The following RCAN2 variants were observed in gnomAD, a reference collection of about 807,000 sequenced individuals.
RCAN2 encodes calcipressin-2.
A neutral mutation model predicts 23.6 loss-of-function variants in RCAN2; 9 were observed. That is an observed-to-expected ratio of 0.38 (90% CI 0.23 to 0.67). The LOEUF (loss-of-function observed/expected upper bound fraction) is 0.67, where lower values mean the gene tolerates loss of function less well. Among genes scored for constraint, RCAN2 ranks in the 30% least tolerant of loss-of-function variants. The pLI, the probability that RCAN2 is intolerant of heterozygous loss-of-function variation, is 0.51. For missense variants in RCAN2, 273 were observed against 302.3 expected, an observed-to-expected ratio of 0.90 and a Z score of 0.72; for synonymous variants, 109 against 115.7, an observed-to-expected ratio of 0.94 and a Z score of 0.37.
intron 2 of RCAN2, among the ~76,000 whole-genome samples, chr6:46,377,737 G>T (rs1765515875): frequency 6.6e-6 from 1 of 152,138 alleles, no homozygotes; most frequent in African/African-American, 2.4e-5. Flanking sequence ...AAAGATGGAG[G>T]CTAAATTTTG....
chr6:46,346,421 G>A (rs1382493165), intron 2 of RCAN2, among the ~76,000 whole-genome samples: 1 of 151,924 alleles, frequency 6.6e-6, no homozygotes, highest in African/African-American at 2.4e-5. Flanking sequence ...ATCTTTTACT[G>A]GTAATATTAT....
At chr6:46,403,433 A>T (rs1408291746) in intron 2 of RCAN2, among the ~76,000 whole-genome samples, 1 of 152,050 alleles carries the variant, frequency 6.6e-6, no homozygotes, top group Non-Finnish European at 1.5e-5. Context: ...TTAGCTGGGC[A>T]TGGTGGCACA....
chr6:46,387,958 A>G (rs2150396818), intron 2 of RCAN2, among the ~76,000 whole-genome samples: 1 of 152,322 alleles, frequency 6.6e-6, no homozygotes, highest in South Asian at 2.1e-4. Flanking sequence ...TTGTAGGGAC[A>G]TGGATGAAGC....
chr6:46,279,649 G>A lies in RCAN2; in HGVS notation c.226-30753C>T, dbSNP rs542312935. ...CCCATCTCCATTTGTCAGTTGAATC[G>A]GGGGAAGTATGGTATATATGTGGCT... On this transcript the variant is annotated intron_variant, in intron 2 of 4. Transcript: ENST00000371374. Among the ~76,000 whole-genome samples the A allele has an allele frequency of 9.2e-5, 14 of 152,266 alleles. No individual in the cohort carries two copies. The South Asian group carries it at 1.2e-3, about 14-fold the overall frequency.
chr6:46,408,115 C>T (rs977106037), intron 2 of RCAN2, among the ~76,000 whole-genome samples: 6 of 152,138 alleles, frequency 3.9e-5, no homozygotes, highest in Non-Finnish European at 5.9e-5. Context: ...TCTGGAATCA[C>T]GAATATTTTA....
At chr6:46,385,500 G>C (rs1765717651) in intron 2 of RCAN2, among the ~76,000 whole-genome samples, 1 of 152,140 alleles carries the variant, frequency 6.6e-6, no homozygotes, top group Non-Finnish European at 1.5e-5. Context: ...GCCATAAGCA[G>C]AAAACCGAAA....
rs878992735 is a variant in RCAN2 at position 46,449,648 on chromosome 6, G to A, written c.225+7104C>T. On this transcript the variant is annotated intron_variant, in intron 2 of 4. Transcript: ENST00000371374. Reference sequence around the variant, plus strand: ...GCATGTGGACCAATGGAACAGAATAGAAAGCCCAGAAATAAATCCATGGAT... The same window carrying A: ...GCATGTGGACCAATGGAACAGAATAAAAAGCCCAGAAATAAATCCATGGAT... Among the ~76,000 whole-genome samples, 3 of 151,718 alleles carry A rather than the reference G, an allele frequency of 2.0e-5. No individual in the cohort carries two copies. In the South Asian group the frequency reaches 6.2e-4, roughly 31 times the overall value.
At chr6:46,475,587 C>G (rs1366901456) in intron 1 of RCAN2, among the ~76,000 whole-genome samples, 1 of 152,094 alleles carries the variant, frequency 6.6e-6, no homozygotes, top group East Asian at 1.9e-4. Flanking sequence ...GCTATTTCAA[C>G]TTGAAATTAT....
chr6:46,424,588 C>A (rs1766983699), intron 2 of RCAN2, among the ~76,000 whole-genome samples: 1 of 152,088 alleles, frequency 6.6e-6, no homozygotes, highest in African/African-American at 2.4e-5. Context: ...GTTGACCCCT[C>A]TATACCGAAC....
In RCAN2 at chr6:46,269,523, G is replaced by C. The variant is rs573009373; in HGVS notation, c.226-20627C>G. Among the ~76,000 whole-genome samples, 145 of 152,288 alleles carry C rather than the reference G, an allele frequency of 9.5e-4. 1 individual carries two copies. Among genetic ancestry groups the C allele is most frequent in the African/African-American group, 3.2e-3 (135 of 41,568 alleles). Reference sequence around the variant, plus strand: ...ATACTCTAGGTCACCTGTGCTCTTGGTTTATCTCACTAGTTATGTATCTTG... The same window carrying C: ...ATACTCTAGGTCACCTGTGCTCTTGCTTTATCTCACTAGTTATGTATCTTG... On this transcript the variant is annotated intron_variant, in intron 2 of 4. Coordinates refer to ENST00000371374, the MANE Select transcript of RCAN2 (RefSeq NM_001251974.2).
rs940804514 is a variant in RCAN2, at chr6:46,449,491, GA to G, written c.225+7260del. The stretch of plus-strand genomic sequence containing the variant: ...CCAATAACATTTTTTCACAGAAATA[GA>G]AAAAAAAAATCCTGAAATTTATATG... On this transcript the variant is annotated intron_variant, in intron 2 of 4. Coordinates refer to ENST00000371374, the MANE Select transcript of RCAN2 (RefSeq NM_001251974.2). Among the ~76,000 whole-genome samples, 497 of 146,932 alleles carry G rather than the reference GA, an allele frequency of 3.4e-3. 1 individual carries two copies. The highest frequency in any genetic ancestry group is 5.6e-3 in the Non-Finnish European group (371 of 66,280).
intron 2 of RCAN2, among the ~76,000 whole-genome samples, chr6:46,365,516 A>G (rs1765146547): frequency 1.4e-5 from 2 of 146,326 alleles, no homozygotes; most frequent in Non-Finnish European, 1.5e-5. Flanking sequence ...AAAGAAAAAG[A>G]AAAAAAGAAA....
intron 2 of RCAN2, among the ~76,000 whole-genome samples, chr6:46,253,009 T>A (rs147137480): frequency 6.6e-6 from 1 of 152,350 alleles, no homozygotes; most frequent in East Asian, 1.9e-4. Flanking sequence ...TATTTTTCAC[T>A]TTGAATAAAT....
Position 46,452,902 on chromosome 6 carries a change from C to T in RCAN2, c.225+3850G>A, listed in dbSNP as rs375800311. 2.7e-4 allele frequency among the ~76,000 whole-genome samples: 41 copies of T among 152,254 alleles called. No homozygotes were observed. In the East Asian group the frequency reaches 5.2e-3, roughly 19 times the overall value. ...GTATACCTATGTAACAAAACCTGCACGTTCTGCACATGTATCCCATAACTT... is the reference window on the plus strand; with the variant it reads ...GTATACCTATGTAACAAAACCTGCATGTTCTGCACATGTATCCCATAACTT... On this transcript the variant is annotated intron_variant, in intron 2 of 4. Transcript: ENST00000371374.
chr6:46,260,970 C>T (rs1362803683), intron 2 of RCAN2, among the ~76,000 whole-genome samples: 2 of 151,992 alleles, frequency 1.3e-5, no homozygotes, highest in East Asian at 1.9e-4. Context: ...TCTGACAGTC[C>T]TTTTATAGCT....
Position 46,221,806 on chromosome 6 carries a change from G to T in RCAN2, c.*1335C>A. ...TCTAAAGTAATTCATTAATGTACAGGAGTAGATGAGGCCTGGCACACATAG... is the reference window on the plus strand; with the variant it reads ...TCTAAAGTAATTCATTAATGTACAGTAGTAGATGAGGCCTGGCACACATAG... On this transcript the variant is annotated 3_prime_UTR_variant, in exon 5 of 5. Coordinates refer to ENST00000371374, the MANE Select transcript of RCAN2 (RefSeq NM_001251974.2). 1 of 397,026 alleles carries T rather than the reference G, an allele frequency of 2.5e-6. No homozygotes were observed. The highest frequency in any genetic ancestry group is 1.4e-4 in the South Asian group (1 of 7,362). 24.6% of individuals were successfully genotyped at this position (397,026 alleles called of 1,614,324 possible). A position where few individuals can be genotyped will look rare whatever the true frequency, so the allele number is the denominator to read the frequency against.
At chr6:46,255,160 G>A (rs1199272348) in intron 2 of RCAN2, among the ~76,000 whole-genome samples, 3 of 152,150 alleles carry the variant, frequency 2.0e-5, no homozygotes, top group African/African-American at 7.2e-5. Flanking sequence ...GAAGAATACA[G>A]AGCACCTAAT....
At chr6:46,267,574 A>T (rs142202583) in intron 2 of RCAN2, among the ~76,000 whole-genome samples, 8 of 152,104 alleles carry the variant, frequency 5.3e-5, no homozygotes, top group African/African-American at 1.7e-4. Context: ...GGTCCCAACT[A>T]CTTGGGAGCC....
chr6:46,449,183 A>G (rs1249633867), intron 2 of RCAN2, among the ~76,000 whole-genome samples: 1 of 151,852 alleles, frequency 6.6e-6, no homozygotes, highest in Non-Finnish European at 1.5e-5. Flanking sequence ...ATATACTAAC[A>G]AGGAACTATC....
Sources: gnomAD v4.1 joint callset for allele counts (sites outside exome capture counted in the v4.1 genomes callset) on GRCh38, gnomAD v4.1.1 for gene constraint, MANE v1.5 for transcripts, NCBI Gene and HGNC (gene_info 2026-07-23, HGNC 2026-07-21) for gene names.